Variants in DPP6 observed in about 807,000 individuals in gnomAD.
DPP6 encodes dipeptidyl peptidase like 6.
DPP6 carries 69 observed loss-of-function variants against 122.6 expected under a neutral mutation model. The observed-to-expected ratio is 0.56, with a 90% CI of 0.46 to 0.69. DPP6 has a LOEUF of 0.69. Ranked by LOEUF, DPP6 falls within the 30% of genes least tolerant of loss-of-function variation. The pLI, the probability that DPP6 is intolerant of heterozygous loss-of-function variation, is 0.00. For missense variants in DPP6, 928 were observed against 1,116.9 expected (o/e 0.83, Z 2.41); for synonymous variants, 418 against 433.1 (o/e 0.97, Z 0.43).
intron 16 of DPP6, among the ~76,000 whole-genome samples, chr7:154,845,304 A>G (rs1801859103): frequency 6.6e-6 from 1 of 152,202 alleles, no homozygotes; most frequent in Admixed American, 6.5e-5. Context: ...TATGGCTTTA[A>G]AATTGCAACT....
chr7:154,224,829 T>C (rs1031670647), intron 1 of DPP6, among the ~76,000 whole-genome samples: 7 of 143,322 alleles, frequency 4.9e-5, no homozygotes, highest in Admixed American at 1.4e-4. Context: ...AGTTCCTTCA[T>C]TGTTAACATT....
At chr7:154,446,119 A>G in intron 1 of DPP6, 95 bp from the exon 2 acceptor site, 2 of 751,734 alleles carry the variant, frequency 2.7e-6, no homozygotes, top group Non-Finnish European at 2.1e-6. Context: ...ACTGTTTTGT[A>G]TCTTGGTTCT....
chr7:154,037,202 A>C (rs138686283), intron 1 of DPP6, among the ~76,000 whole-genome samples: 2,866 of 151,960 alleles, frequency 0.019, no homozygotes, highest in African/African-American at 0.065. Context: ...CCCAGGAACC[A>C]GAGAGGAGAG....
chr7:154,596,580 C>A (rs549833880), intron 5 of DPP6, among the ~76,000 whole-genome samples: 1 of 152,122 alleles, frequency 6.6e-6, no homozygotes, highest in South Asian at 2.1e-4. Context: ...AAAAAGTTGA[C>A]ATGGAGCAGG....
At chr7:154,518,876 A>G (rs1033347243) in intron 3 of DPP6, among the ~76,000 whole-genome samples, 18 of 152,208 alleles carry the variant, frequency 1.2e-4, no homozygotes, top group African/African-American at 4.3e-4. Context: ...GGCACAGAAA[A>G]GCCATATAAC....
At chr7:154,790,643 G>C (rs1797614326) in intron 10 of DPP6, among the ~76,000 whole-genome samples, 1 of 152,036 alleles carries the variant, frequency 6.6e-6, no homozygotes. Context: ...ATTAATTGTA[G>C]AACCAAGGCT....
chr7:153,875,366 C>A, the DPP6 span, among the ~76,000 whole-genome samples: 1 of 151,884 alleles, frequency 6.6e-6, no homozygotes, highest in Non-Finnish European at 1.5e-5. Flanking sequence ...GAGAACTCTT[C>A]ATGCAAAAAA....
intron 3 of DPP6, among the ~76,000 whole-genome samples, chr7:154,482,255 G>C (rs1199762778): frequency 6.6e-6 from 1 of 152,088 alleles, no homozygotes; most frequent in East Asian, 1.9e-4. Context: ...TAAGATCAGA[G>C]TGGAGGCTGG....
chr7:154,371,694 G>A (rs1264830408), intron 1 of DPP6, among the ~76,000 whole-genome samples: 12 of 152,240 alleles, frequency 7.9e-5, no homozygotes, highest in Admixed American at 7.2e-4. Flanking sequence ...CTGAGTCCAG[G>A]CACAGCAGGA....
chr7:154,046,832 C>G (rs1800039540), intron 1 of DPP6, among the ~76,000 whole-genome samples: 1 of 152,178 alleles, frequency 6.6e-6, no homozygotes, highest in Non-Finnish European at 1.5e-5. Flanking sequence ...CTCCCTAAAT[C>G]TTAGTCCAGA....
rs1352745533 is a variant in DPP6, at chr7:154,043,681, AC to A, written c.51+155949del. Among the ~76,000 whole-genome samples the A allele has an allele frequency of 2.1e-5, 3 of 144,282 alleles. No individual in the cohort carries two copies. In the East Asian group the frequency reaches 6.0e-4, roughly 29 times the overall value. The allele number at this position is 144,282 out of a possible 152,430, so 94.7% of individuals were successfully genotyped here. On this transcript the variant is annotated intron_variant, in intron 1 of 25. Coordinates refer to the DPP6 transcript ENST00000404039. ...ATTGGGAAACTCAGCATTCATTGAG[AC>A]CACAATCAACCATTTACATCTCATT...
At chr7:154,722,564 A>G (rs1841872514) in intron 7 of DPP6, among the ~76,000 whole-genome samples, 1 of 152,230 alleles carries the variant, frequency 6.6e-6, no homozygotes, top group Admixed American at 6.5e-5. Flanking sequence ...ATACATGAGA[A>G]AAATCGTGTT....
At chr7:153,959,104 C>T (rs1338048199) in intron 1 of DPP6, among the ~76,000 whole-genome samples, 2 of 152,002 alleles carry the variant, frequency 1.3e-5, no homozygotes, top group Admixed American at 6.6e-5. Flanking sequence ...GCCTCCTCTC[C>T]GTTCCCATCC....
intron 5 of DPP6, among the ~76,000 whole-genome samples, chr7:154,615,077 G>C (rs1434896328): frequency 6.6e-6 from 1 of 152,126 alleles, no homozygotes; most frequent in East Asian, 1.9e-4. Flanking sequence ...GGGCTGTTTT[G>C]ATTTTCCTGT....
At chr7:154,489,990 G>GAC (rs1360916089) in intron 3 of DPP6, among the ~76,000 whole-genome samples, 1 of 152,182 alleles carries the variant, frequency 6.6e-6, no homozygotes, top group Non-Finnish European at 1.5e-5. Context: ...ACAACCCAAA[G>GAC]AAGGGAAAGA....
Position 154,876,070 on chromosome 7 carries a change from TGGA to T in DPP6, c.2053_2055del (p.Glu685del), listed in dbSNP as rs759385492. ...GAAGTGAGGCGGCGGCTGGGCTTGC[TGGA>T]GGAGAAGGACCAGATGGAGGCCGTG... On this transcript the variant is annotated inframe_deletion, in exon 20 of 26. Coordinates refer to ENST00000377770, the MANE Select transcript of DPP6 (RefSeq NM_130797.4). 1.2e-6 allele frequency: 2 copies of T among 1,606,952 alleles called. No individual in the cohort carries two copies. Among genetic ancestry groups the T allele is most frequent in the Non-Finnish European group, 1.7e-6 (2 of 1,176,434 alleles).
chr7:154,127,324 G>T (rs1267293961), intron 1 of DPP6, among the ~76,000 whole-genome samples: 4 of 152,138 alleles, frequency 2.6e-5, no homozygotes, highest in Non-Finnish European at 5.9e-5. Context: ...CTTTTGCCAA[G>T]AATACATTGC....
chr7:154,452,289 G>T (rs1291751147), intron 2 of DPP6, among the ~76,000 whole-genome samples: 1 of 152,228 alleles, frequency 6.6e-6, no homozygotes, highest in Non-Finnish European at 1.5e-5. Flanking sequence ...CAAAGGCAGG[G>T]TGTGGTGGAG....
rs1815806843 is a variant in DPP6 at position 154,403,380 on chromosome 7, G to A, written c.244-42834G>A. ...CTTAGGAGGAAAAGGGACATGGTGA[G>A]GACTGGAGTTGCGGTAGATGCCTCC... On this transcript the variant is annotated intron_variant, in intron 1 of 25. Coordinates refer to ENST00000377770, the MANE Select transcript of DPP6 (RefSeq NM_130797.4). The surrounding 1 kb of genome is among the most constrained non-coding windows in gnomAD (Gnocchi z 4.1). 6.6e-6 allele frequency among the ~76,000 whole-genome samples: 1 copy of A among 152,190 alleles called. No individual in the cohort carries two copies.
Sources: gnomAD v4.1 joint callset for allele counts (sites outside exome capture counted in the v4.1 genomes callset) on GRCh38, gnomAD v4.1.1 for gene constraint, Gnocchi (gnomAD v3.1) non-coding constraint, MANE v1.5 for transcripts, NCBI Gene and HGNC (gene_info 2026-07-23, HGNC 2026-07-21) for gene names.